NTRK3: variants seen among roughly 807,000 people sequenced by gnomAD.
NTRK3 encodes the protein neurotrophic receptor tyrosine kinase 3.
A neutral mutation model predicts 91.7 loss-of-function variants in NTRK3; 24 were observed. The ratio of observed to expected loss-of-function variants is 0.26; its 90% CI spans 0.19 to 0.37. The LOEUF is 0.37. Among genes scored for constraint, NTRK3 ranks in the 10% least tolerant of loss-of-function variants. The pLI, the probability that NTRK3 is intolerant of heterozygous loss-of-function variation, is 1.00. For synonymous variants in NTRK3, 483 were observed against 404.0 expected, an observed-to-expected ratio of 1.20 and a Z score of -2.34; for missense variants, 880 against 1,068.9, an observed-to-expected ratio of 0.82 and a Z score of 2.46.
chr15:88,252,427 C>G (rs2053503509), intron 3 of NTRK3: 1 of 152,182 alleles, frequency 6.6e-6, no homozygotes, highest in African/African-American at 2.4e-5. Context: ...TGCCAGGGAC[C>G]CTGTGGCGGC....
At chr15:87,885,650 G>A (rs2141514491) in intron 17 of NTRK3, 44 bp downstream of exon 18, 3 of 1,038,948 alleles carry the variant, frequency 2.9e-6, no homozygotes, top group Non-Finnish European at 2.8e-6. Flanking sequence ...TAAAGTGTTG[G>A]GACAATGAAC....
intron 14 of NTRK3, among the ~76,000 whole-genome samples, chr15:87,981,540 T>C (rs902885520): frequency 3.9e-5 from 6 of 152,342 alleles, no homozygotes; most frequent in Non-Finnish European, 8.8e-5. Flanking sequence ...GCATAAAATC[T>C]AGATCCTAAG....
chr15:87,868,102 C>T (rs373505948), exon 19 of NTRK3: 16 of 231,440 alleles, frequency 6.9e-5, no homozygotes, highest in Admixed American at 5.6e-4. Context: ...CAAAGATCAA[C>T]GGAAGCGACA....
chr15:87,876,996 A>G (rs143523682), exon 19 of NTRK3: 2 of 1,613,824 alleles, frequency 1.2e-6, no homozygotes, highest in Non-Finnish European at 1.7e-6. Context: ...GATTTTGTAG[A>G]TCTCCTTGAT....
chr15:88,020,123 A>G (rs187130350), intron 14 of NTRK3, among the ~76,000 whole-genome samples: 1 of 152,234 alleles, frequency 6.6e-6, no homozygotes, highest in Non-Finnish European at 1.5e-5. Flanking sequence ...CGTAAAGCAC[A>G]TGGGCAGGCA....
Position 87,872,642 on chromosome 15 carries a change from G to C in NTRK3, c.*4293C>G, listed in dbSNP as rs76815259. On this transcript the variant is annotated 3_prime_UTR_variant, in exon 19 of 19. Transcript: ENST00000394480. ...GGCTAGGCCAGTGACCTCCTGTGAA[G>C]AGCATAAAAATGAAGTCTCTGGCTT... The C allele has an allele frequency of 5.4e-3, 1,263 of 232,356 alleles. 24 individuals are homozygous for C. The highest frequency in any genetic ancestry group is 0.03 in the East Asian group (497 of 16,458). 14.4% of individuals were successfully genotyped at this position (232,356 alleles called of 1,614,324 possible).
At chr15:88,118,311 C>T (rs1040798683) in intron 13 of NTRK3, among the ~76,000 whole-genome samples, 5 of 152,092 alleles carry the variant, frequency 3.3e-5, no homozygotes, top group Admixed American at 2.0e-4. Flanking sequence ...GCCTCTTCCG[C>T]GCAAGTGAAA....
At chr15:87,933,425 A>T (rs1255147398) in intron 15 of NTRK3, among the ~76,000 whole-genome samples, 1 of 152,250 alleles carries the variant, frequency 6.6e-6, no homozygotes, top group Non-Finnish European at 1.5e-5. Flanking sequence ...TGCACTCTCC[A>T]GTGATTTCAA....
At position 88,113,620 on chromosome 15, in the gene NTRK3, T is replaced by A. The variant is rs1424227269; in HGVS notation, c.1396+12651A>T. 2.0e-5 allele frequency among the ~76,000 whole-genome samples: 3 copies of A among 149,764 alleles called. No individual in the cohort carries two copies. The South Asian group carries it at 6.3e-4, about 31-fold the overall frequency. ...CATGAGCCACCACAGCTGGTCTAAC[T>A]TTTTTTTTAAGGGTAACATGAAACT... On this transcript the variant is annotated intron_variant, in intron 13 of 18. Coordinates refer to ENST00000394480, the Ensembl canonical transcript of NTRK3.
chr15:87,966,715 G>C (rs1029820352), intron 14 of NTRK3, among the ~76,000 whole-genome samples: 1 of 152,170 alleles, frequency 6.6e-6, no homozygotes, highest in Non-Finnish European at 1.5e-5. Context: ...AAGGAATTCT[G>C]GTTTAGGAAA....
At chr15:88,136,652 A>G (rs762465986) in intron 7 of NTRK3, 43 bp from the exon 8 acceptor site, 1 of 1,598,088 alleles carries the variant, frequency 6.3e-7, no homozygotes, top group South Asian at 1.1e-5. Flanking sequence ...GCAAACACTT[A>G]CTACCCAAAG....
chr15:88,108,811 G>A (rs1006793497), intron 13 of NTRK3, among the ~76,000 whole-genome samples: 1 of 152,064 alleles, frequency 6.6e-6, no homozygotes, highest in African/African-American at 2.4e-5. Flanking sequence ...TAAGGAGCTT[G>A]GCAGAAATGC....
intron 3 of NTRK3, among the ~76,000 whole-genome samples, chr15:88,213,541 T>G (rs61660790): frequency 0.039 from 5,927 of 152,188 alleles, 417 homozygotes; most frequent in African/African-American, 0.14. Flanking sequence ...GGCCTCACTC[T>G]GGGGTACGAG....
rs547842202 is a variant in NTRK3, at chr15:88,040,070, A to G, written c.1397-7025T>C. Among the ~76,000 whole-genome samples the G allele has an allele frequency of 3.9e-5, 6 of 152,394 alleles. No homozygotes were observed. The East Asian group carries it at 9.6e-4, about 24-fold the overall frequency. On this transcript the variant is annotated intron_variant, in intron 13 of 18. Coordinates refer to ENST00000394480, the Ensembl canonical transcript of NTRK3. Reference sequence around the variant, plus strand: ...AGGCTAAATTGTGGGAGCTAAGAACATAAAGTACATTGATTTCTTTATTAT... The same window carrying G: ...AGGCTAAATTGTGGGAGCTAAGAACGTAAAGTACATTGATTTCTTTATTAT...
chr15:87,976,551 A>G (rs2073731957), intron 14 of NTRK3, among the ~76,000 whole-genome samples: 1 of 152,122 alleles, frequency 6.6e-6, no homozygotes, highest in Non-Finnish European at 1.5e-5. Context: ...TCTCCTGCAT[A>G]CAGGGCCTCA....
chr15:87,910,381 T>A (rs2067016530), intron 17 of NTRK3, among the ~76,000 whole-genome samples: 1 of 152,092 alleles, frequency 6.6e-6, no homozygotes, highest in African/African-American at 2.4e-5. Flanking sequence ...AAGAGACAGG[T>A]TCAGAAATGG....
chr15:88,033,885 C>A (rs1003837871), intron 13 of NTRK3, among the ~76,000 whole-genome samples: 1 of 152,174 alleles, frequency 6.6e-6, no homozygotes, highest in Admixed American at 6.5e-5. Context: ...CAGTAGTGTG[C>A]ACCCTGTACC....
chr15:87,889,025 T>C (rs1166504987), intron 17 of NTRK3, among the ~76,000 whole-genome samples: 1 of 152,194 alleles, frequency 6.6e-6, no homozygotes, highest in Non-Finnish European at 1.5e-5. Flanking sequence ...TCCTGTGCTC[T>C]TCCCAGCCTT....
At chr15:87,985,166 T>C (rs1267112494) in intron 14 of NTRK3, among the ~76,000 whole-genome samples, 5 of 152,050 alleles carry the variant, frequency 3.3e-5, no homozygotes, top group Admixed American at 2.6e-4. Context: ...AACTGAACTA[T>C]GTGAGTAAGG....
Sources: allele counts gnomAD v4.1 joint callset (sites outside exome capture counted in the v4.1 genomes callset), GRCh38; gene constraint gnomAD v4.1.1; transcripts MANE v1.5; gene names NCBI Gene and HGNC (gene_info 2026-07-23, HGNC 2026-07-21).